The following RELN variants were observed in gnomAD, a reference collection of about 807,000 sequenced individuals.
RELN encodes the protein reelin.
RELN carries 108 observed loss-of-function variants against 427.6 expected under a neutral mutation model. That is an observed-to-expected ratio of 0.25 (90% CI 0.22 to 0.30). RELN has a LOEUF of 0.30. RELN is among the 10% of genes least tolerant of loss of function. RELN has a pLI of 1.00. For missense variants in RELN, 3,715 were observed against 4,302.8 expected (o/e 0.86, Z 3.82); for synonymous variants, 1,524 against 1,513.4 (o/e 1.01, Z -0.16).
chr7:103,566,485 T>C, intron 32 of RELN, 73 bp from the exon 33 acceptor site: 1 of 1,591,490 alleles, frequency 6.3e-7, no homozygotes, highest in Non-Finnish European at 8.6e-7. Flanking sequence ...ATGACTGTGA[T>C]TTTAAATCAA....
At chr7:103,792,420 A>G (rs1264732833) in intron 3 of RELN, among the ~76,000 whole-genome samples, 1 of 152,186 alleles carries the variant, frequency 6.6e-6, no homozygotes, top group Non-Finnish European at 1.5e-5. Context: ...TCATGCTACA[A>G]TATCAATCAA....
At chr7:103,700,632 G>A (rs1834069496) in intron 9 of RELN, among the ~76,000 whole-genome samples, 1 of 152,094 alleles carries the variant, frequency 6.6e-6, no homozygotes, top group Admixed American at 6.6e-5. Context: ...TGTGGAGAAT[G>A]CTATCAAAAA....
At chr7:103,865,132 C>CAAAAAA (rs386410871) in intron 2 of RELN, among the ~76,000 whole-genome samples, 84 of 67,108 alleles carry the variant, frequency 1.3e-3, no homozygotes, top group East Asian at 2.2e-3. Context: ...GAAACTGTCT[C>CAAAAAA]AAAAAAAAAA....
intron 3 of RELN, among the ~76,000 whole-genome samples, chr7:103,783,652 T>G (rs1196862153): frequency 6.6e-6 from 1 of 152,186 alleles, no homozygotes; most frequent in African/African-American, 2.4e-5. Flanking sequence ...AAATAGATGG[T>G]TTAACCTTGA....
intron 51 of RELN, among the ~76,000 whole-genome samples, chr7:103,509,764 T>TA (rs1829337499): frequency 6.6e-6 from 1 of 151,588 alleles, no homozygotes; most frequent in South Asian, 2.1e-4. Flanking sequence ...AAAGGGCTAA[T>TA]ATCCAGAATC....
intron 45 of RELN, among the ~76,000 whole-genome samples, chr7:103,538,418 C>G (rs1016106004): frequency 6.6e-6 from 1 of 152,102 alleles, no homozygotes; most frequent in South Asian, 2.1e-4. Flanking sequence ...ATGATGCCAG[C>G]TTTTATCTCT....
chr7:103,594,538 C>T (rs1584327188), intron 25 of RELN, 46 bp from the exon 26 acceptor site: 3 of 1,363,650 alleles, frequency 2.2e-6, no homozygotes, highest in South Asian at 1.3e-5. Context: ...AAAAGCTGTG[C>T]TTTTTTTTTT....
intron 52 of RELN, among the ~76,000 whole-genome samples, chr7:103,502,102 A>G (rs1439608491): frequency 6.6e-6 from 1 of 152,220 alleles, no homozygotes; most frequent in Non-Finnish European, 1.5e-5. Context: ...AACCAGCCCT[A>G]GAGTTCACTT....
At position 103,611,589 on chromosome 7, in the gene RELN, G is replaced by T. The variant is rs143514534; in HGVS notation, c.2895+22C>A. On this transcript the variant is annotated intron_variant, in intron 21 of 64. Coordinates refer to ENST00000428762, the MANE Select transcript of RELN (RefSeq NM_005045.4). ...AAAGGCAGAAGGTTACCTGTTACAA[G>T]GTTTAAGGAAACTAGACTTACTTCT... 1,253 of 1,600,874 alleles carry T rather than the reference G, an allele frequency of 7.8e-4. 3 individuals are homozygous for T. The highest frequency in any genetic ancestry group is 8.4e-4 in the Admixed American group (50 of 59,666).
chr7:103,650,873 C>A (rs1302939914), intron 15 of RELN, among the ~76,000 whole-genome samples: 1 of 152,140 alleles, frequency 6.6e-6, no homozygotes, highest in Non-Finnish European at 1.5e-5. Context: ...AATCCCCTTA[C>A]CTTGGCCTCC....
Position 103,573,950 on chromosome 7 carries a change from T to C in RELN, c.4511+142A>G. ...CTATTTTATTCCAAAGCTAAAGTTATCTTCATTTTTACATATCATAATCTA... is the reference window on the plus strand; with the variant it reads ...CTATTTTATTCCAAAGCTAAAGTTACCTTCATTTTTACATATCATAATCTA... On this transcript the variant is annotated intron_variant, in intron 30 of 64. Transcript: ENST00000428762. The surrounding 1 kb of genome is among the most constrained non-coding windows in gnomAD (Gnocchi z 4.4). 17 of 751,006 alleles carry C rather than the reference T, an allele frequency of 2.3e-5. No homozygotes were observed. In the South Asian group the frequency reaches 2.7e-4, roughly 12 times the overall value. The allele number at this position is 751,006 out of a possible 1,614,324, so 46.5% of individuals were successfully genotyped here. A position where few individuals can be genotyped will look rare whatever the true frequency, so the allele number is the denominator to read the frequency against.
At chr7:103,528,729 A>G (rs1829876804) in intron 46 of RELN, among the ~76,000 whole-genome samples, 1 of 148,312 alleles carries the variant, frequency 6.7e-6, no homozygotes, top group Non-Finnish European at 1.5e-5. Context: ...GGGTTTCACC[A>G]TGTTGGCCAG....
At chr7:103,746,609 G>A (rs1385098129) in intron 6 of RELN, among the ~76,000 whole-genome samples, 2 of 152,178 alleles carry the variant, frequency 1.3e-5, no homozygotes, top group African/African-American at 2.4e-5. Flanking sequence ...CGAAGGATAT[G>A]AACAGACACT....
At position 103,486,938 on chromosome 7, in the gene RELN, G is replaced by T. The variant is rs574276736; in HGVS notation, c.9764-522C>A. Among the ~76,000 whole-genome samples, 23 of 152,174 alleles carry T rather than the reference G, an allele frequency of 1.5e-4. No individual in the cohort carries two copies. In the Middle Eastern group the frequency reaches 0.014, roughly 90 times the overall value. Reference sequence around the variant, plus strand: ...CCCAAAGGATTATAAATCATTCTACGCTAAAGACACATGCACACTTATGTT... The same window carrying T: ...CCCAAAGGATTATAAATCATTCTACTCTAAAGACACATGCACACTTATGTT... On this transcript the variant is annotated intron_variant, in intron 60 of 64. Transcript: ENST00000428762.
chr7:103,500,725 G>A lies in RELN; in HGVS notation c.8667+20C>T, dbSNP rs778756204. 2 of 1,613,386 alleles carry A rather than the reference G, an allele frequency of 1.2e-6. No individual in the cohort carries two copies. Among genetic ancestry groups the A allele is most frequent in the South Asian group, 2.2e-5 (2 of 91,054 alleles). On this transcript the variant is annotated intron_variant, in intron 53 of 64. Coordinates refer to ENST00000428762, the MANE Select transcript of RELN (RefSeq NM_005045.4). ...ACCCATGATGTGAGTAATGCGTCTT[G>A]TCCAGGGCTTTACCCTTACCTTCAG...
intron 36 of RELN, among the ~76,000 whole-genome samples, chr7:103,561,131 A>G (rs1352090734): frequency 6.6e-6 from 1 of 152,204 alleles, no homozygotes; most frequent in African/African-American, 2.4e-5. Context: ...TCTTAAAGTC[A>G]CCAAATGGTT....
intron 3 of RELN, among the ~76,000 whole-genome samples, chr7:103,808,515 T>A (rs993551943): frequency 1.8e-4 from 27 of 151,550 alleles, no homozygotes; most frequent in African/African-American, 6.3e-4. Context: ...TTTAGGAAAA[T>A]CTGTATTATG....
intron 2 of RELN, among the ~76,000 whole-genome samples, chr7:103,886,938 G>A (rs1794737415): frequency 6.6e-6 from 1 of 152,088 alleles, no homozygotes; most frequent in Non-Finnish European, 1.5e-5. Flanking sequence ...CATGTAGCAG[G>A]ATAATATACA....
chr7:103,671,917 C>A (rs1236344767), intron 11 of RELN, among the ~76,000 whole-genome samples: 1 of 152,154 alleles, frequency 6.6e-6, no homozygotes, highest in Non-Finnish European at 1.5e-5. Flanking sequence ...TTAACTCAGA[C>A]TGCCACACTA....
Sources: gnomAD v4.1 joint callset for allele counts (sites outside exome capture counted in the v4.1 genomes callset) on GRCh38, gnomAD v4.1.1 for gene constraint, Gnocchi (gnomAD v3.1) non-coding constraint, MANE v1.5 for transcripts, NCBI Gene and HGNC (gene_info 2026-07-23, HGNC 2026-07-21) for gene names.